CCDC85C: variants seen among roughly 807,000 people sequenced by gnomAD.
CCDC85C encodes the protein coiled-coil domain containing 85C, also known as coiled-coil domain-containing protein 85C.
Under a neutral mutation model 38.3 loss-of-function variants are expected in CCDC85C, and 18 were observed. The ratio of observed to expected loss-of-function variants is 0.47; its 90% CI spans 0.33 to 0.70. The LOEUF (loss-of-function observed/expected upper bound fraction) is 0.70, where lower values mean the gene tolerates loss of function less well. Ranked by LOEUF, CCDC85C falls within the 30% of genes least tolerant of loss-of-function variation. The pLI is 0.03. For synonymous variants in CCDC85C, 264 were observed against 293.8 expected (o/e 0.90, Z 1.04); for missense variants, 566 against 621.2 (o/e 0.91, Z 0.94).
At chr14:99,552,359 A>C (rs755824121) in intron 1 of CCDC85C, among the ~76,000 whole-genome samples, 1 of 152,190 alleles carries the variant, frequency 6.6e-6, no homozygotes, top group Non-Finnish European at 1.5e-5. Flanking sequence ...TGACCCCAGC[A>C]AGGCAGGACC....
chr14:99,584,299 T>G (rs1284668714), intron 1 of CCDC85C, among the ~76,000 whole-genome samples: 1 of 152,156 alleles, frequency 6.6e-6, no homozygotes, highest in Non-Finnish European at 1.5e-5. Flanking sequence ...ATGGATTATT[T>G]AGGGGCAGTG....
Position 99,603,596 on chromosome 14 carries a change from G to A in CCDC85C, c.364C>T (p.Arg122Cys). ...AGCTCGCGCAGCTTCTGCTGCGAGCGGGCCACCTCGTGCCACACGGCGCCG... is the reference window on the plus strand; with the variant it reads ...AGCTCGCGCAGCTTCTGCTGCGAGCAGGCCACCTCGTGCCACACGGCGCCG... Reference protein sequence around the residue: ...AAGAVWHEVARSQQKLRELEA... With the variant: ...AAGAVWHEVACSQQKLRELEA... The change falls in exon 1 of 6, where the codon CGC (arginine) becomes TGC (cysteine). Residue 122 changes from arginine to cysteine, a missense_variant. Arg to Cys is a radical substitution (Grantham distance 180, BLOSUM62 -3). Transcript: ENST00000380243. This position sits in a 1 kb window ranked among gnomAD's most constrained non-coding sequence, Gnocchi z 7.5. The A allele has an allele frequency of 1.4e-6, 2 of 1,432,474 alleles. No homozygotes were observed. Among genetic ancestry groups the A allele is most frequent in the East Asian group, 3.0e-5 (1 of 33,836 alleles). 88.7% of individuals were successfully genotyped at this position (1,432,474 alleles called of 1,614,324 possible).
Position 99,535,287 on chromosome 14 carries a change from A to T in CCDC85C, c.867+728T>A, listed in dbSNP as rs1897572242. On this transcript the variant is annotated intron_variant, in intron 2 of 5. Coordinates refer to ENST00000380243, the MANE Select transcript of CCDC85C (RefSeq NM_001144995.2). The surrounding 1 kb of genome is among the most constrained non-coding windows in gnomAD (Gnocchi z 5.5). ...GAGGGAGACTGGGATGAAGCCAGGG[A>T]TGCGCACGAGGGCTCGGAGGCTTGG... 6.6e-6 allele frequency among the ~76,000 whole-genome samples: 1 copy of T among 152,194 alleles called. No homozygotes were observed. The highest frequency in any genetic ancestry group is 2.4e-5 in the African/African-American group (1 of 41,436).
At chr14:99,551,528 AGT>A (rs1897907599) in intron 1 of CCDC85C, among the ~76,000 whole-genome samples, 1 of 146,088 alleles carries the variant, frequency 6.8e-6, no homozygotes. Context: ...TGAGTACGTG[AGT>A]GTGCAGGTGG....
At chr14:99,568,815 A>G (rs937578802) in intron 1 of CCDC85C, among the ~76,000 whole-genome samples, 1 of 152,268 alleles carries the variant, frequency 6.6e-6, no homozygotes, top group African/African-American at 2.4e-5. Context: ...ACGTGACTTC[A>G]GTCAGCCTCT....
At position 99,544,125 on chromosome 14, in the gene CCDC85C, A is replaced by G. The variant is rs1217207740; in HGVS notation, c.794-8037T>C. 6.6e-6 allele frequency among the ~76,000 whole-genome samples: 1 copy of G among 152,154 alleles called. No individual in the cohort carries two copies. The highest frequency in any genetic ancestry group is 1.5e-5 in the Non-Finnish European group (1 of 68,022). On this transcript the variant is annotated intron_variant, in intron 1 of 5. Coordinates refer to ENST00000380243, the MANE Select transcript of CCDC85C (RefSeq NM_001144995.2). This position sits in a 1 kb window ranked among gnomAD's most constrained non-coding sequence, Gnocchi z 5.3. The stretch of plus-strand genomic sequence containing the variant: ...CCCCATCACACCAAGCTGACGAGGG[A>G]CATCCTGTAACTGCTACCACTGTGT...
Position 99,592,434 on chromosome 14 carries a change from C to G in CCDC85C, c.793+10733G>C, listed in dbSNP as rs557867833. ...GCCAGGAGCAAGAGGTAGGGAGAGA[C>G]TGCTCAGCCCAGCCCAGGGCGATGT... On this transcript the variant is annotated intron_variant, in intron 1 of 5. Coordinates refer to ENST00000380243, the MANE Select transcript of CCDC85C (RefSeq NM_001144995.2). Among the ~76,000 whole-genome samples the G allele has an allele frequency of 1.2e-4, 19 of 152,334 alleles. No individual in the cohort carries two copies. The East Asian group carries it at 3.7e-3, about 29-fold the overall frequency.
chr14:99,512,628 T>A lies in CCDC85C; in HGVS notation c.*2618A>T, dbSNP rs1897156514. 6.6e-6 allele frequency: 1 copy of A among 152,180 alleles called. No individual in the cohort carries two copies. The highest frequency in any genetic ancestry group is 2.4e-5 in the African/African-American group (1 of 41,440). The allele number at this position is 152,180 out of a possible 1,614,324, so 9.4% of individuals were successfully genotyped here. The stretch of plus-strand genomic sequence containing the variant: ...GGGCTGGGGCGAAAGGAGACCTCCA[T>A]CTGTCACAGTGGAAACTGAAGCCGA... On this transcript the variant is annotated 3_prime_UTR_variant, in exon 6 of 6. Transcript: ENST00000380243.
At position 99,502,587 on chromosome 14, in the gene CCDC85C, G is replaced by A. The variant is rs1346396421; in HGVS notation, c.*12659C>T. ...AATACACACCAGTGTTGCACACAAC[G>A]AAGATGGGGTGAGTTGTAAATGTGA... On this transcript the variant is annotated 3_prime_UTR_variant, in exon 6 of 6. Transcript: ENST00000380243. 7.5e-6 allele frequency: 9 copies of A among 1,203,260 alleles called. No individual in the cohort carries two copies. The highest frequency in any genetic ancestry group is 2.1e-4 in the Middle Eastern group (1 of 4,720). The allele number at this position is 1,203,260 out of a possible 1,614,324, so 74.5% of individuals were successfully genotyped here.
Position 99,500,922 on chromosome 14 carries a change from A to G in CCDC85C, c.*14324T>C, listed in dbSNP as rs763071876. The G allele has an allele frequency of 1.8e-6, 2 of 1,135,360 alleles. No homozygotes were observed. The highest frequency in any genetic ancestry group is 3.2e-5 in the African/African-American group (2 of 63,432). 70.3% of individuals were successfully genotyped at this position (1,135,360 alleles called of 1,614,324 possible). A position where few individuals can be genotyped will look rare whatever the true frequency, so the allele number is the denominator to read the frequency against. Reference sequence around the variant, plus strand: ...TTTTTCATTCTGAAATCAAGTCTTTATAATTTGATGACACTCAAATTACGC... The same window carrying G: ...TTTTTCATTCTGAAATCAAGTCTTTGTAATTTGATGACACTCAAATTACGC... On this transcript the variant is annotated 3_prime_UTR_variant, in exon 6 of 6. Coordinates refer to ENST00000380243, the MANE Select transcript of CCDC85C (RefSeq NM_001144995.2).
At chr14:99,563,345 C>T (rs1185304910) in intron 1 of CCDC85C, among the ~76,000 whole-genome samples, 2 of 152,288 alleles carry the variant, frequency 1.3e-5, no homozygotes, top group Non-Finnish European at 2.9e-5. Flanking sequence ...GTGCAGGGAG[C>T]AGCCTCTGCA....
At chr14:99,539,088 G>A (rs1897661899) in intron 1 of CCDC85C, among the ~76,000 whole-genome samples, 1 of 152,094 alleles carries the variant, frequency 6.6e-6, no homozygotes, top group South Asian at 2.1e-4. Context: ...GGCTTCATTG[G>A]GTTTTTCTTT....
intron 1 of CCDC85C, among the ~76,000 whole-genome samples, chr14:99,543,990 G>C (rs1897760814): frequency 6.6e-6 from 1 of 152,180 alleles, no homozygotes; most frequent in Admixed American, 6.5e-5. Flanking sequence ...CCTGGGCGTG[G>C]AAAAGAGTTC....
Position 99,603,807 on chromosome 14 carries a change from G to A in CCDC85C, c.153C>T (p.Gly51=). The part of the protein sequence containing the change: ...EKVGLMLEHG[G]LMRDVNRRLQ... ...GCCGCCGGTTCACGTCGCGCATCAGGCCGCCGTGCTCCAGCATGAGGCCCA... is the reference window on the plus strand; with the variant it reads ...GCCGCCGGTTCACGTCGCGCATCAGACCGCCGTGCTCCAGCATGAGGCCCA... The change falls in exon 1 of 6, where the codon GGC becomes GGT. Residue 51 remains glycine, a synonymous_variant. Coordinates refer to ENST00000380243, the MANE Select transcript of CCDC85C (RefSeq NM_001144995.2). This position sits in a 1 kb window ranked among gnomAD's most constrained non-coding sequence, Gnocchi z 7.5. 1.3e-6 allele frequency: 2 copies of A among 1,525,196 alleles called. No homozygotes were observed. Among genetic ancestry groups the A allele is most frequent in the Non-Finnish European group, 1.8e-6 (2 of 1,142,296 alleles). The allele number at this position is 1,525,196 out of a possible 1,614,324, so 94.5% of individuals were successfully genotyped here. A position where few individuals can be genotyped will look rare whatever the true frequency, so the allele number is the denominator to read the frequency against.
At chr14:99,581,448 C>T (rs947929898) in intron 1 of CCDC85C, among the ~76,000 whole-genome samples, 2 of 152,248 alleles carry the variant, frequency 1.3e-5, no homozygotes, top group African/African-American at 4.8e-5. Context: ...AAGCCTCACA[C>T]CTGGGGTCTG....
At chr14:99,531,331 A>AAC (rs750622075) in intron 2 of CCDC85C, among the ~76,000 whole-genome samples, 2 of 152,022 alleles carry the variant, frequency 1.3e-5, no homozygotes, top group African/African-American at 4.8e-5. Flanking sequence ...CCAGCAGGGG[A>AAC]GTTAACGAGA....
rs752494700 is a variant in CCDC85C, at chr14:99,564,402, C to G, written c.794-28314G>C. On this transcript the variant is annotated intron_variant, in intron 1 of 5. Transcript: ENST00000380243. The stretch of plus-strand genomic sequence containing the variant: ...AGGACATGCCCCATATGCCTGTGCC[C>G]ACCTTGCAGCATGTTAGGGTTTTGG... Among the ~76,000 whole-genome samples, 26 of 152,330 alleles carry G rather than the reference C, an allele frequency of 1.7e-4. 1 individual carries two copies. The highest frequency in any genetic ancestry group is 6.8e-3 in the Middle Eastern group (2 of 294).
At position 99,545,844 on chromosome 14, in the gene CCDC85C, G is replaced by A. The variant is rs1051021689; in HGVS notation, c.794-9756C>T. 2.0e-5 allele frequency among the ~76,000 whole-genome samples: 3 copies of A among 152,050 alleles called. No homozygotes were observed. Among genetic ancestry groups the A allele is most frequent in the Non-Finnish European group, 2.9e-5 (2 of 68,000 alleles). On this transcript the variant is annotated intron_variant, in intron 1 of 5. Transcript: ENST00000380243. The surrounding 1 kb of genome is among the most constrained non-coding windows in gnomAD (Gnocchi z 4.7). ...ACTGGACACTCTAGGGGAGGGACCT[G>A]GGCATCAGTTTGCATTTTAAACGCC...
At chr14:99,517,049 C>CAT in intron 4 of CCDC85C, 39 bp downstream of exon 4, 1 of 1,523,078 alleles carries the variant, frequency 6.6e-7, no homozygotes, top group Non-Finnish European at 8.9e-7. Flanking sequence ...GTGCACCCAG[C>CAT]ATCTGAGGAC....
Sources: gnomAD v4.1 joint callset for allele counts (sites outside exome capture counted in the v4.1 genomes callset) on GRCh38, gnomAD v4.1.1 for gene constraint, Gnocchi (gnomAD v3.1) non-coding constraint, MANE v1.5 for transcripts, NCBI Gene and HGNC (gene_info 2026-07-23, HGNC 2026-07-21) for gene names.